IQCH: variants seen among roughly 807,000 people sequenced by gnomAD.
IQCH encodes the protein IQ domain-containing protein H.
A neutral mutation model predicts 117.0 loss-of-function variants in IQCH; 98 were observed. The ratio of observed to expected loss-of-function variants is 0.84; its 90% CI spans 0.71 to 0.99. The LOEUF is 0.99. Among genes scored for constraint, IQCH ranks in the 50% least tolerant of loss-of-function variants. The pLI, the probability that IQCH is intolerant of heterozygous loss-of-function variation, is 0.00. For synonymous variants in IQCH, 412 were observed against 448.2 expected (o/e 0.92, Z 1.02); for missense variants, 1,102 against 1,243.8 (o/e 0.89, Z 1.72).
At chr15:67,484,798 G>A (rs2083431131) in intron 18 of IQCH, among the ~76,000 whole-genome samples, 1 of 151,874 alleles carries the variant, frequency 6.6e-6, no homozygotes, top group Non-Finnish European at 1.5e-5. Context: ...AAGATGAGCT[G>A]TCAGTACTCT....
chr15:67,262,988 T>TA (rs1965521142), intron 2 of IQCH, 134 bp from the exon 3 acceptor site: 2 of 649,188 alleles, frequency 3.1e-6, no homozygotes. Context: ...AATGATACCT[T>TA]AGGCACGTAA....
chr15:67,359,898 T>G lies in IQCH; in HGVS notation c.753+13T>G, dbSNP rs1174488538. On this transcript the variant is annotated intron_variant, in intron 8 of 20. Transcript: ENST00000335894. This position sits in a 1 kb window ranked among gnomAD's most constrained non-coding sequence, Gnocchi z 4.5. ...TCATGATAGGAAGGTCTGTAATTTG[T>G]GTGACTAGTTGAAATTTAGGGTCTG... 3 of 1,609,002 alleles carry G rather than the reference T, an allele frequency of 1.9e-6. No homozygotes were observed. In the Admixed American group the frequency reaches 5.0e-5, roughly 27 times the overall value.
chr15:67,478,459 C>T (rs1286369146), intron 18 of IQCH, among the ~76,000 whole-genome samples: 1 of 151,576 alleles, frequency 6.6e-6, no homozygotes, highest in Non-Finnish European at 1.5e-5. Flanking sequence ...TCCAGGCCAT[C>T]CATGCACAAC....
rs1845062804 is a variant in IQCH, at chr15:67,391,995, A to G, written c.1632+2989A>G. On this transcript the variant is annotated intron_variant, in intron 12 of 20. Transcript: ENST00000335894. This position sits in a 1 kb window ranked among gnomAD's most constrained non-coding sequence, Gnocchi z 4.3. ...CCCCTTCACATCTCAAAAACCCACC[A>G]GATCTTTACTACTCACTCGATAAAA... 1.3e-5 allele frequency among the ~76,000 whole-genome samples: 2 copies of G among 152,196 alleles called. No homozygotes were observed. Among genetic ancestry groups the G allele is most frequent in the African/African-American group, 4.8e-5 (2 of 41,464 alleles).
rs2081788763 is a variant in IQCH at position 67,422,992 on chromosome 15, C to T, written c.2505+1415C>T. ...CATTATTCTCAGTTTTACAGTTCTC[C>T]ATTTCAGTCAGATGATGGTTTCAAA... On this transcript the variant is annotated intron_variant, in intron 16 of 20. Coordinates refer to ENST00000335894, the MANE Select transcript of IQCH (RefSeq NM_001031715.3). The surrounding 1 kb of genome is among the most constrained non-coding windows in gnomAD (Gnocchi z 4.7). 6.6e-6 allele frequency among the ~76,000 whole-genome samples: 1 copy of T among 152,222 alleles called. No homozygotes were observed. The highest frequency in any genetic ancestry group is 2.4e-5 in the African/African-American group (1 of 41,456).
chr15:67,400,102 T>C lies in IQCH; in HGVS notation c.1906-12T>C. The C allele has an allele frequency of 6.2e-7, 1 of 1,610,796 alleles. No homozygotes were observed. The highest frequency in any genetic ancestry group is 8.5e-7 in the Non-Finnish European group (1 of 1,177,346). On this transcript the variant is annotated splice_polypyrimidine_tract_variant and intron_variant, in intron 13 of 20. Coordinates refer to ENST00000335894, the MANE Select transcript of IQCH (RefSeq NM_001031715.3). ...AACTGTATTAAATGCAGCTGTGTCT[T>C]TGGCCTCACAGATGATAGAGCAGCT...
rs1382428890 is a variant in IQCH, at chr15:67,408,742, A to G, written c.2098-8189A>G. Among the ~76,000 whole-genome samples, 3 of 152,178 alleles carry G rather than the reference A, an allele frequency of 2.0e-5. No individual in the cohort carries two copies. Among genetic ancestry groups the G allele is most frequent in the Non-Finnish European group, 4.4e-5 (3 of 68,038 alleles). ...TGTTTCCTTTTGTTTTTAATTTTCAATTAAAGAGCTTTCATCAGCATATGC... is the reference window on the plus strand; with the variant it reads ...TGTTTCCTTTTGTTTTTAATTTTCAGTTAAAGAGCTTTCATCAGCATATGC... On this transcript the variant is annotated intron_variant, in intron 14 of 20. Transcript: ENST00000335894. The surrounding 1 kb of genome is among the most constrained non-coding windows in gnomAD (Gnocchi z 4.2).
chr15:67,491,086 T>G lies in IQCH; in HGVS notation c.2861+1022T>G, dbSNP rs2083641404. On this transcript the variant is annotated intron_variant, in intron 19 of 20. Transcript: ENST00000335894. This position sits in a 1 kb window ranked among gnomAD's most constrained non-coding sequence, Gnocchi z 4.9. The stretch of plus-strand genomic sequence containing the variant: ...CAGTGTAGACATTGTGGCCTCACAC[T>G]GAAACACACAGAAACATATACACAA... 6.6e-6 allele frequency among the ~76,000 whole-genome samples: 1 copy of G among 152,158 alleles called. No individual in the cohort carries two copies. Among genetic ancestry groups the G allele is most frequent in the Non-Finnish European group, 1.5e-5 (1 of 68,030 alleles).
chr15:67,304,902 G>A (rs903212169), intron 4 of IQCH, among the ~76,000 whole-genome samples: 10 of 152,010 alleles, frequency 6.6e-5, no homozygotes, highest in Admixed American at 4.6e-4. Context: ...GAGGCAAGCA[G>A]GGACTAAGCC....
rs771850036 is a variant in IQCH, at chr15:67,475,769, A to C, written c.2750A>C (p.Tyr917Ser). ...AGCAATCTCTCACTGGTTTTCCACT[A>C]TGTTTTTCTCCAGATCTGTAGGGCC... is the stretch of plus-strand genomic sequence containing the variant. ...RHSNLSLVFH[Y>S]VFLQICRAHG... is the part of the protein sequence containing the mutation. The change falls in exon 18 of 21, where the codon TAT (tyrosine) becomes TCT (serine). Residue 917 changes from tyrosine (Y) to serine (S), a missense_variant. Coordinates refer to ENST00000335894, the MANE Select transcript of IQCH (RefSeq NM_001031715.3). The surrounding 1 kb of genome is among the most constrained non-coding windows in gnomAD (Gnocchi z 5.7). 1.9e-6 allele frequency: 3 copies of C among 1,614,092 alleles called. No homozygotes were observed. In the South Asian group the frequency reaches 3.3e-5, roughly 18 times the overall value.
At chr15:67,307,520 G>C (rs1283658616) in intron 4 of IQCH, among the ~76,000 whole-genome samples, 1 of 149,026 alleles carries the variant, frequency 6.7e-6, no homozygotes, top group African/African-American at 2.4e-5. Flanking sequence ...TGGGGGTAGG[G>C]AGTGGGAGTG....
intron 17 of IQCH, among the ~76,000 whole-genome samples, chr15:67,468,779 G>A (rs2082997034): frequency 1.3e-5 from 2 of 152,132 alleles, no homozygotes; most frequent in South Asian, 4.1e-4. Flanking sequence ...ACAGATTTTG[G>A]AAGCTCCTTT....
intron 3 of IQCH, among the ~76,000 whole-genome samples, chr15:67,275,906 T>TA (rs1470963796): frequency 6.6e-6 from 1 of 152,210 alleles, no homozygotes; most frequent in African/African-American, 2.4e-5. Flanking sequence ...TTAAATTTAG[T>TA]AATTGTAGCT....
In IQCH at chr15:67,388,816, G is replaced by A; in HGVS notation, c.1457-15G>A. Reference sequence around the variant, plus strand: ...CCTTCACACCAGTAATTAACATTGTGCCTGTTGTTTTTAGATGCCAATGTG... The same window carrying A: ...CCTTCACACCAGTAATTAACATTGTACCTGTTGTTTTTAGATGCCAATGTG... On this transcript the variant is annotated splice_polypyrimidine_tract_variant and intron_variant, in intron 11 of 20. Transcript: ENST00000335894. The surrounding 1 kb of genome is among the most constrained non-coding windows in gnomAD (Gnocchi z 5.5). 1 of 1,606,664 alleles carries A rather than the reference G, an allele frequency of 6.2e-7. No individual in the cohort carries two copies. The highest frequency in any genetic ancestry group is 1.1e-5 in the South Asian group (1 of 90,824).
At position 67,392,000 on chromosome 15, in the gene IQCH, T is replaced by G. The variant is rs1213223010; in HGVS notation, c.1632+2994T>G. 2.6e-5 allele frequency among the ~76,000 whole-genome samples: 4 copies of G among 152,194 alleles called. No homozygotes were observed. Among genetic ancestry groups the G allele is most frequent in the Non-Finnish European group, 5.9e-5 (4 of 68,028 alleles). ...TCACATCTCAAAAACCCACCAGATC[T>G]TTACTACTCACTCGATAAAATGGGG... On this transcript the variant is annotated intron_variant, in intron 12 of 20. Coordinates refer to ENST00000335894, the MANE Select transcript of IQCH (RefSeq NM_001031715.3). This position sits in a 1 kb window ranked among gnomAD's most constrained non-coding sequence, Gnocchi z 4.3.
In IQCH at chr15:67,493,431, G is replaced by A. The variant is rs900383986; in HGVS notation, c.2862-827G>A. On this transcript the variant is annotated intron_variant, in intron 19 of 20. Transcript: ENST00000335894. The surrounding 1 kb of genome is among the most constrained non-coding windows in gnomAD (Gnocchi z 5.1). The stretch of plus-strand genomic sequence containing the variant: ...TGCAAGCTATCTCCGAAATCTTAAA[G>A]TGGATGTTCAGGTTTATAAAGACGG... Among the ~76,000 whole-genome samples the A allele has an allele frequency of 5.3e-5, 8 of 152,184 alleles. No homozygotes were observed. Among genetic ancestry groups the A allele is most frequent in the Non-Finnish European group, 1.2e-4 (8 of 68,028 alleles).
chr15:67,332,957 C>T (rs1383110190), intron 4 of IQCH, among the ~76,000 whole-genome samples: 1 of 152,164 alleles, frequency 6.6e-6, no homozygotes, highest in Non-Finnish European at 1.5e-5. Context: ...TTATTTCTCA[C>T]AGTTTTGGAA....
At chr15:67,355,324 C>T (rs918613284) in intron 6 of IQCH, among the ~76,000 whole-genome samples, 3 of 152,006 alleles carry the variant, frequency 2.0e-5, no homozygotes, top group Non-Finnish European at 2.9e-5. Flanking sequence ...CGGTGGCTCA[C>T]GCCTGTAATG....
chr15:67,412,733 C>T lies in IQCH; in HGVS notation c.2098-4198C>T, dbSNP rs578169098. 3.9e-5 allele frequency among the ~76,000 whole-genome samples: 6 copies of T among 152,228 alleles called. No individual in the cohort carries two copies. The East Asian group carries it at 1.2e-3, about 29-fold the overall frequency. ...AAGTTTTTGAGATAAAGAAGATGTGCCCCTGTTGCTGGCTTATAACAGATA... is the reference window on the plus strand; with the variant it reads ...AAGTTTTTGAGATAAAGAAGATGTGTCCCTGTTGCTGGCTTATAACAGATA... On this transcript the variant is annotated intron_variant, in intron 14 of 20. Transcript: ENST00000335894.
Sources: allele counts gnomAD v4.1 joint callset (sites outside exome capture counted in the v4.1 genomes callset), GRCh38; gene constraint gnomAD v4.1.1; non-coding constraint Gnocchi (gnomAD v3.1); transcripts MANE v1.5; gene names NCBI Gene and HGNC (gene_info 2026-07-23, HGNC 2026-07-21).